Variants in BANK1 observed in about 807,000 individuals in gnomAD.
The protein encoded by BANK1 is B-cell scaffold protein with ankyrin repeats.
A neutral mutation model predicts 94.5 loss-of-function variants in BANK1; 95 were observed. The ratio of observed to expected loss-of-function variants is 1.00; its 90% CI spans 0.85 to 1.19. BANK1 has a LOEUF of 1.19. Among genes scored for constraint, BANK1 ranks in the 50% most tolerant of loss-of-function variants. The probability of loss-of-function intolerance (pLI) is 0.00; values close to 1 mark genes in which losing one functional copy is unlikely to be tolerated. For missense variants in BANK1, 987 were observed against 932.2 expected (o/e 1.06, Z -0.77); for synonymous variants, 334 against 308.4 (o/e 1.08, Z -0.87).
chr4:101,828,143 A>AT (rs56857058), intron 1 of BANK1, among the ~76,000 whole-genome samples: 73,810 of 151,046 alleles, frequency 0.49, 19,591 homozygotes, highest in African/African-American at 0.7. Context: ...TATTTACTTC[A>AT]TTTTTGTTTT....
At chr4:101,806,513 T>G (rs948178171) in intron 1 of BANK1, among the ~76,000 whole-genome samples, 8 of 152,190 alleles carry the variant, frequency 5.3e-5, no homozygotes, top group Admixed American at 5.2e-4. Context: ...GGATGAAGCC[T>G]TGGCTCTGTC....
At chr4:102,040,921 G>A (rs774391612) in intron 10 of BANK1, among the ~76,000 whole-genome samples, 11 of 152,000 alleles carry the variant, frequency 7.2e-5, no homozygotes, top group East Asian at 1.9e-4. Flanking sequence ...GGGAAAAGCC[G>A]TTTTTCCATG....
chr4:101,799,828 C>T (rs745813467), intron 1 of BANK1, among the ~76,000 whole-genome samples: 7 of 151,888 alleles, frequency 4.6e-5, no homozygotes, highest in Non-Finnish European at 1.0e-4. Context: ...GAGCTGAGAT[C>T]GCACCACTGC....
At chr4:102,056,656 G>A (rs1422181642) in intron 11 of BANK1, among the ~76,000 whole-genome samples, 1 of 151,804 alleles carries the variant, frequency 6.6e-6, no homozygotes, top group Non-Finnish European at 1.5e-5. Flanking sequence ...GTACTCTTCT[G>A]TATTTTCTAA....
chr4:101,929,649 A>T (rs1357509143), intron 7 of BANK1, among the ~76,000 whole-genome samples: 1 of 151,446 alleles, frequency 6.6e-6, no homozygotes, highest in Non-Finnish European at 1.5e-5. Context: ...CTTTCTACTT[A>T]TTAAGTCAAT....
intron 5 of BANK1, among the ~76,000 whole-genome samples, chr4:101,873,204 C>A (rs1390406295): frequency 6.6e-6 from 1 of 152,060 alleles, no homozygotes; most frequent in Non-Finnish European, 1.5e-5. Flanking sequence ...TTTTATTTAG[C>A]ATAGTTACTG....
At chr4:101,948,168 A>G (rs910948319) in intron 7 of BANK1, among the ~76,000 whole-genome samples, 3 of 152,142 alleles carry the variant, frequency 2.0e-5, no homozygotes, top group Non-Finnish European at 2.9e-5. Context: ...CAAGGAAAAG[A>G]GCAGAGTATG....
chr4:101,927,305 C>T (rs1723193616), intron 7 of BANK1, among the ~76,000 whole-genome samples: 1 of 151,620 alleles, frequency 6.6e-6, no homozygotes, highest in Admixed American at 6.6e-5. Context: ...TGGGGGAAAA[C>T]TGCCTCATGA....
chr4:101,956,622 A>T (rs754588455), intron 7 of BANK1, among the ~76,000 whole-genome samples: 2 of 152,142 alleles, frequency 1.3e-5, no homozygotes, highest in African/African-American at 4.8e-5. Flanking sequence ...CAGGCTAACA[A>T]TGAAGCTTAA....
At chr4:102,029,580 A>C (rs1727216517) in intron 9 of BANK1, among the ~76,000 whole-genome samples, 1 of 148,132 alleles carries the variant, frequency 6.8e-6, no homozygotes, top group Non-Finnish European at 1.5e-5. Context: ...TTATACATTA[A>C]ATATTTATAT....
At chr4:101,841,508 A>G (rs955047136) in intron 2 of BANK1, among the ~76,000 whole-genome samples, 3 of 152,158 alleles carry the variant, frequency 2.0e-5, no homozygotes, top group African/African-American at 7.2e-5. Context: ...CAACTATTCC[A>G]TGGGAAATGA....
intron 7 of BANK1, among the ~76,000 whole-genome samples, chr4:101,974,945 G>A (rs1241765406): frequency 1.3e-5 from 2 of 152,108 alleles, no homozygotes; most frequent in Non-Finnish European, 2.9e-5. Context: ...CAACAAGAGT[G>A]AAACTCCGTC....
intron 11 of BANK1, among the ~76,000 whole-genome samples, chr4:102,047,974 T>G (rs776256814): frequency 8.5e-5 from 13 of 152,202 alleles, no homozygotes; most frequent in Admixed American, 2.0e-4. Flanking sequence ...CAATATTGTA[T>G]TGATTACTAT....
intron 6 of BANK1, among the ~76,000 whole-genome samples, chr4:101,902,616 G>T (rs1273098684): frequency 8.6e-5 from 13 of 151,980 alleles, no homozygotes; most frequent in Admixed American, 8.5e-4. Context: ...TGTTCTAATG[G>T]TATCTTTTAT....
chr4:102,072,461 C>T (rs1200813742), intron 15 of BANK1, 61 bp downstream of exon 15: 3 of 1,254,710 alleles, frequency 2.4e-6, no homozygotes, highest in East Asian at 2.3e-5. Flanking sequence ...TAAAAAAGAA[C>T]ATGAGAGCCT....
At chr4:101,813,805 G>A (rs1725802748) in intron 1 of BANK1, 2 of 952,486 alleles carry the variant, frequency 2.1e-6, no homozygotes, top group South Asian at 4.9e-5. Context: ...GACACACTTT[G>A]CTAGGTCTGC....
At chr4:102,044,022 TCTTA>T (rs1727791542) in intron 11 of BANK1, 115 bp downstream of exon 11, 2 of 572,450 alleles carry the variant, frequency 3.5e-6, no homozygotes, top group Non-Finnish European at 6.1e-6. Flanking sequence ...GCTTTATAAA[TCTTA>T]CTCTTTTTTT....
At chr4:102,032,900 A>T (rs1419711833) in intron 10 of BANK1, among the ~76,000 whole-genome samples, 1 of 151,728 alleles carries the variant, frequency 6.6e-6, no homozygotes, top group Non-Finnish European at 1.5e-5. Flanking sequence ...ATAAAAATAA[A>T]AAAAAAAAAT....
intron 10 of BANK1, among the ~76,000 whole-genome samples, chr4:102,031,886 G>A (rs1404338313): frequency 1.3e-5 from 2 of 152,140 alleles, no homozygotes; most frequent in African/African-American, 4.8e-5. Context: ...GTATTTATCA[G>A]TATAAAATAC....
Sources: gnomAD v4.1 joint callset for allele counts (sites outside exome capture counted in the v4.1 genomes callset) on GRCh38, gnomAD v4.1.1 for gene constraint, MANE v1.5 for transcripts, NCBI Gene and HGNC (gene_info 2026-07-23, HGNC 2026-07-21) for gene names.